PCDHA7: variants seen among roughly 807,000 people sequenced by gnomAD.
PCDHA7 encodes protocadherin alpha 7.
PCDHA7 carries 37 observed loss-of-function variants against 57.2 expected under a neutral mutation model. The observed-to-expected ratio is 0.65, with a 90% CI of 0.50 to 0.85. The LOEUF is 0.85. Ranked by LOEUF, PCDHA7 falls within the 40% of genes least tolerant of loss-of-function variation. PCDHA7 has a pLI of 0.00. For synonymous variants in PCDHA7, 553 were observed against 558.8 expected (o/e 0.99, Z 0.15); for missense variants, 1,188 against 1,241.8 (o/e 0.96, Z 0.65).
chr5:140,946,091 A>G (rs1554217315), intron 1 of PCDHA7, among the ~76,000 whole-genome samples: 1 of 152,040 alleles, frequency 6.6e-6, no homozygotes, highest in Non-Finnish European at 1.5e-5. Flanking sequence ...TCTGATAAGG[A>G]GTTAACATAC....
intron 1 of PCDHA7, chr5:140,855,987 T>A: frequency 1.4e-6 from 2 of 1,480,818 alleles, no homozygotes; most frequent in Non-Finnish European, 1.8e-6. Flanking sequence ...ACAGAAAATG[T>A]CAGATCGTAT....
chr5:140,975,861 T>G (rs782026072), intron 1 of PCDHA7, among the ~76,000 whole-genome samples: 8 of 152,192 alleles, frequency 5.3e-5, no homozygotes, highest in Non-Finnish European at 8.8e-5. Flanking sequence ...ATCACCCATA[T>G]GGACTACCTA....
intron 3 of PCDHA7, 34 bp from the exon 4 acceptor site, chr5:141,009,593 C>G: frequency 6.2e-7 from 1 of 1,602,020 alleles, no homozygotes; most frequent in South Asian, 1.1e-5. Flanking sequence ...CATGTGTTGA[C>G]CCTGTTAATG....
Position 140,929,023 on chromosome 5 carries a change from C to G in PCDHA7, c.2356-49926C>G, listed in dbSNP as rs2085741813. On this transcript the variant is annotated intron_variant, in intron 1 of 3. Transcript: ENST00000525929. ...CGTGTGTACCAAGTTGCACCAGAGCCCAGGCTGTTGCGCTCAGAGCTGCTG... is the reference window on the plus strand; with the variant it reads ...CGTGTGTACCAAGTTGCACCAGAGCGCAGGCTGTTGCGCTCAGAGCTGCTG... 2.5e-6 allele frequency: 4 copies of G among 1,614,056 alleles called. No homozygotes were observed. The Admixed American group carries it at 6.7e-5, about 27-fold the overall frequency.
intron 1 of PCDHA7, among the ~76,000 whole-genome samples, chr5:140,948,646 G>T (rs1030231985): frequency 6.6e-6 from 1 of 151,616 alleles, no homozygotes; most frequent in South Asian, 2.1e-4. Context: ...ATCTTTTAAC[G>T]TCTGTATAAT....
chr5:140,885,206 A>T (rs1304868227), intron 1 of PCDHA7, among the ~76,000 whole-genome samples: 1 of 152,038 alleles, frequency 6.6e-6, no homozygotes, highest in Admixed American at 6.6e-5. Context: ...CATATATCCC[A>T]TGAAAAATAT....
At chr5:140,909,961 A>G (rs1407330494) in intron 1 of PCDHA7, among the ~76,000 whole-genome samples, 2 of 152,206 alleles carry the variant, frequency 1.3e-5, no homozygotes, top group Non-Finnish European at 2.9e-5. Flanking sequence ...GTAGGTCTCC[A>G]TGGGGAAGGA....
intron 1 of PCDHA7, among the ~76,000 whole-genome samples, chr5:140,899,914 C>A (rs1408569942): frequency 2.0e-5 from 3 of 151,952 alleles, no homozygotes; most frequent in Admixed American, 6.6e-5. Flanking sequence ...CTCAAGCAAT[C>A]CTCCTGCCTC....
rs2150248542 is a variant in PCDHA7 at position 140,835,937 on chromosome 5, C to T, written c.1554C>T (p.Tyr518=). ...TGCACGCGGAGAGCGGCAAGGTGTA[C>T]GCGCTGCAGCCGTTGGACCACGAGG... ...VSVHAESGKV[Y]ALQPLDHEEL... is the part of the protein sequence containing the mutation. The change falls in exon 1 of 4, where the codon TAC becomes TAT. Residue 518 remains tyrosine (Y), a synonymous_variant. Transcript: ENST00000525929. 14 of 1,612,512 alleles carry T rather than the reference C, an allele frequency of 8.7e-6. No homozygotes were observed. The South Asian group carries it at 1.3e-4, about 15-fold the overall frequency.
chr5:140,877,632 G>A (rs2057247482), intron 1 of PCDHA7: 2 of 1,613,768 alleles, frequency 1.2e-6, no homozygotes, highest in East Asian at 4.5e-5. Context: ...TGTACACTGC[G>A]CTGCGTTGCT....
intron 1 of PCDHA7, among the ~76,000 whole-genome samples, chr5:140,972,693 C>A (rs1358194667): frequency 2.3e-5 from 3 of 130,312 alleles, no homozygotes; most frequent in East Asian, 4.7e-4. Flanking sequence ...GAGATGGAGT[C>A]TCACTCTGTT....
In PCDHA7 at chr5:140,870,824, G is replaced by A. The variant is rs1296646483; in HGVS notation, c.2355+34086G>A. On this transcript the variant is annotated intron_variant, in intron 1 of 3. Coordinates refer to ENST00000525929, the MANE Select transcript of PCDHA7 (RefSeq NM_018910.3). ...GCGACTCAGGCTGGCAGCGCGGGAG[G>A]CGCAGTTAACAAGCTAGTACCGCGG... 8.7e-6 allele frequency: 14 copies of A among 1,613,638 alleles called. No homozygotes were observed. The East Asian group carries it at 2.9e-4, about 33-fold the overall frequency.
intron 3 of PCDHA7, among the ~76,000 whole-genome samples, chr5:141,005,485 T>C (rs57509018): frequency 5.3e-5 from 8 of 151,370 alleles, no homozygotes; most frequent in Non-Finnish European, 1.0e-4. Context: ...GGGCGGATCA[T>C]GAGGTCAGGA....
chr5:140,898,284 T>C (rs2066636432), intron 1 of PCDHA7, among the ~76,000 whole-genome samples: 1 of 152,254 alleles, frequency 6.6e-6, no homozygotes, highest in South Asian at 2.1e-4. Flanking sequence ...TTCTGAATGG[T>C]AATGCCTAGG....
At chr5:140,858,843 T>C (rs1373810997) in intron 1 of PCDHA7, 2 of 313,860 alleles carry the variant, frequency 6.4e-6, no homozygotes, top group Non-Finnish European at 1.2e-5. Context: ...AAAATTCCAC[T>C]GATCTATATC....
intron 3 of PCDHA7, among the ~76,000 whole-genome samples, chr5:140,996,819 C>T (rs1446677147): frequency 6.6e-6 from 1 of 152,142 alleles, no homozygotes; most frequent in East Asian, 1.9e-4. Context: ...CAAAAGTAAC[C>T]ACTACCAATA....
intron 1 of PCDHA7, chr5:140,929,493 A>G: frequency 9.4e-7 from 1 of 1,059,368 alleles, no homozygotes; most frequent in Non-Finnish European, 1.3e-6. Flanking sequence ...GTATTAGAAG[A>G]TTGCCCTAGG....
intron 1 of PCDHA7, among the ~76,000 whole-genome samples, chr5:140,956,602 G>T (rs541025327): frequency 2.6e-5 from 4 of 152,212 alleles, no homozygotes. Flanking sequence ...GATATCAGCT[G>T]GAAGTTTTCC....
chr5:140,847,163 A>G (rs1242348309), intron 1 of PCDHA7, among the ~76,000 whole-genome samples: 1 of 149,646 alleles, frequency 6.7e-6, no homozygotes, highest in Non-Finnish European at 1.5e-5. Flanking sequence ...TTTCTGAGTA[A>G]TAAACTAAAG....
Sources: allele counts gnomAD v4.1 joint callset (sites outside exome capture counted in the v4.1 genomes callset), GRCh38; gene constraint gnomAD v4.1.1; transcripts MANE v1.5; gene names NCBI Gene and HGNC (gene_info 2026-07-23, HGNC 2026-07-21).